DOCK1: variants seen among roughly 807,000 people sequenced by gnomAD.
The protein encoded by DOCK1 is dedicator of cytokinesis 1.
A neutral mutation model predicts 262.7 loss-of-function variants in DOCK1; 138 were observed. The ratio of observed to expected loss-of-function variants is 0.53; its 90% CI spans 0.46 to 0.61. DOCK1 has a LOEUF of 0.61. DOCK1 is among the 20% of genes least tolerant of loss of function. The probability of loss-of-function intolerance (pLI) is 0.00; values close to 1 mark genes in which losing one functional copy is unlikely to be tolerated. For synonymous variants in DOCK1, 866 were observed against 867.4 expected (o/e 1.00, Z 0.03); for missense variants, 1,908 against 2,370.7 (o/e 0.80, Z 4.05).
rs977355583 is a variant in DOCK1, at chr10:127,176,069, G to A, written c.2847+48305G>A. On this transcript the variant is annotated intron_variant, in intron 27 of 51. Transcript: ENST00000623213. This position sits in a 1 kb window ranked among gnomAD's most constrained non-coding sequence, Gnocchi z 4.4. Reference sequence around the variant, plus strand: ...ACGTCTGGTAACACTTCTTAAGGTCGGGCGAGGTCTGCACGCCTGTGCTCT... The same window carrying A: ...ACGTCTGGTAACACTTCTTAAGGTCAGGCGAGGTCTGCACGCCTGTGCTCT... 3.1e-6 allele frequency: 5 copies of A among 1,614,074 alleles called. No homozygotes were observed. In the South Asian group the frequency reaches 3.3e-5, roughly 11 times the overall value.
intron 27 of DOCK1, among the ~76,000 whole-genome samples, chr10:127,168,835 A>G (rs1288618735): frequency 2.0e-5 from 3 of 152,112 alleles, no homozygotes; most frequent in Admixed American, 6.5e-5. Context: ...AGCGGTGCAC[A>G]ATTTTCCATG....
intron 51 of DOCK1, among the ~76,000 whole-genome samples, chr10:127,449,671 T>C (rs1044240977): frequency 2.6e-5 from 4 of 152,174 alleles, no homozygotes; most frequent in African/African-American, 9.7e-5. Context: ...AGCGGTTGCA[T>C]TTCCTGGGGT....
chr10:127,057,733 C>T (rs1156893814), intron 22 of DOCK1, among the ~76,000 whole-genome samples: 3 of 152,178 alleles, frequency 2.0e-5, no homozygotes, highest in African/African-American at 7.2e-5. Context: ...TATTGCCTGC[C>T]TTCTCTTCTG....
chr10:127,415,717 G>T (rs181411974), intron 44 of DOCK1, among the ~76,000 whole-genome samples: 3 of 152,262 alleles, frequency 2.0e-5, no homozygotes, highest in Admixed American at 6.5e-5. Flanking sequence ...CCTTTTTAAA[G>T]AAATAACGAT....
At position 127,012,985 on chromosome 10, in the gene DOCK1, TCTCA is replaced by T. The variant is rs1375502050; in HGVS notation, c.1201+615_1201+618del. On this transcript the variant is annotated intron_variant, in intron 12 of 51. Transcript: ENST00000623213. This position sits in a 1 kb window ranked among gnomAD's most constrained non-coding sequence, Gnocchi z 4.0. ...GGAAGTCACCTTCAGAACTTGACCG[TCTCA>T]CTCCCTGATCCATGCAGACTGCCCG... Among the ~76,000 whole-genome samples, 1 of 152,198 alleles carries T rather than the reference TCTCA, an allele frequency of 6.6e-6. No homozygotes were observed. Among genetic ancestry groups the T allele is most frequent in the African/African-American group, 2.4e-5 (1 of 41,464 alleles).
intron 32 of DOCK1, among the ~76,000 whole-genome samples, chr10:127,357,671 G>A (rs527965358): frequency 2.6e-5 from 4 of 152,300 alleles, no homozygotes; most frequent in South Asian, 2.1e-4. Flanking sequence ...CCTGAGAAGC[G>A]GCCAAGAGGT....
intron 40 of DOCK1, among the ~76,000 whole-genome samples, 181 bp from the exon 41 acceptor site, chr10:127,408,855 CA>C (rs2067675275): frequency 6.6e-6 from 1 of 151,752 alleles, no homozygotes; most frequent in Non-Finnish European, 1.5e-5. Context: ...GCTTGATGAC[CA>C]TGTGTTCTTG....
At chr10:126,979,873 T>C (rs912664096) in intron 3 of DOCK1, among the ~76,000 whole-genome samples, 1 of 152,108 alleles carries the variant, frequency 6.6e-6, no homozygotes, top group Non-Finnish European at 1.5e-5. Flanking sequence ...TGCAGTTGAT[T>C]GGGGTGGTGC....
chr10:127,224,558 C>CAGA (rs2058564131), intron 27 of DOCK1, among the ~76,000 whole-genome samples: 3 of 145,016 alleles, frequency 2.1e-5, no homozygotes, highest in African/African-American at 7.6e-5. Flanking sequence ...GACTCTGCTT[C>CAGA]AGAAAAAAAA....
Position 127,106,248 on chromosome 10 carries a change from C to T in DOCK1, c.2463C>T (p.Tyr821=). Residue 821 remains tyrosine, a synonymous_variant, in exon 24 of 52, where the codon TAC becomes TAT. Transcript: ENST00000623213. ...ATTTGCAGGGGGCAGCACTGAAATA[C>T]TTACCAACGATCGTCAACGATGTGA... ...TVRVKGAALK[Y]LPTIVNDVKL... is the part of the protein sequence containing the mutation. The T allele has an allele frequency of 6.3e-7, 1 of 1,592,814 alleles. No individual in the cohort carries two copies. The highest frequency in any genetic ancestry group is 8.6e-7 in the Non-Finnish European group (1 of 1,168,250).
intron 40 of DOCK1, among the ~76,000 whole-genome samples, chr10:127,404,998 T>A (rs564119864): frequency 1.3e-5 from 2 of 152,362 alleles, no homozygotes; most frequent in Admixed American, 1.3e-4. Context: ...TCTTCCAGTT[T>A]CATCCAGGTT....
chr10:127,341,783 C>T (rs1037361241), intron 30 of DOCK1, among the ~76,000 whole-genome samples: 6 of 152,202 alleles, frequency 3.9e-5, no homozygotes, highest in South Asian at 2.1e-4. Flanking sequence ...CCACATCGAG[C>T]GTCGCCCCTT....
At chr10:127,368,274 T>A (rs943674085) in intron 33 of DOCK1, among the ~76,000 whole-genome samples, 4 of 152,212 alleles carry the variant, frequency 2.6e-5, no homozygotes, top group Non-Finnish European at 4.4e-5. Flanking sequence ...GCCTCTTTTG[T>A]CTCTGGGTGC....
intron 27 of DOCK1, among the ~76,000 whole-genome samples, chr10:127,195,573 G>A (rs1362842260): frequency 6.6e-6 from 1 of 151,476 alleles, no homozygotes; most frequent in African/African-American, 2.4e-5. Flanking sequence ...GGGCGCTTTA[G>A]TTTGGAAAAT....
intron 28 of DOCK1, among the ~76,000 whole-genome samples, chr10:127,248,992 G>T (rs889337257): frequency 5.3e-5 from 8 of 152,140 alleles, no homozygotes; most frequent in African/African-American, 1.9e-4. Flanking sequence ...AGGTGGAACA[G>T]TTTCATCCCG....
At chr10:127,279,034 A>G (rs915080710) in intron 29 of DOCK1, among the ~76,000 whole-genome samples, 1 of 152,224 alleles carries the variant, frequency 6.6e-6, no homozygotes, top group African/African-American at 2.4e-5. Context: ...TGATTTGGTT[A>G]ATTGACAAAT....
At chr10:127,206,960 A>AT (rs1170903018) in intron 27 of DOCK1, among the ~76,000 whole-genome samples, 1 of 152,194 alleles carries the variant, frequency 6.6e-6, no homozygotes, top group Admixed American at 6.5e-5. Context: ...TACTCCTAAT[A>AT]TAAACAGACT....
intron 27 of DOCK1, chr10:127,145,990 G>A (rs751156036): frequency 4.5e-5 from 23 of 515,858 alleles, no homozygotes; most frequent in African/African-American, 1.7e-4. Context: ...TGGGGACCCC[G>A]CACCCTGAAT....
intron 4 of DOCK1, among the ~76,000 whole-genome samples, chr10:126,986,198 C>T (rs1187424601): frequency 2.0e-5 from 3 of 152,114 alleles, no homozygotes; most frequent in Admixed American, 2.0e-4. Context: ...CTGCACCCTT[C>T]CCTCTGATGT....
Sources: allele counts gnomAD v4.1 joint callset (sites outside exome capture counted in the v4.1 genomes callset), GRCh38; gene constraint gnomAD v4.1.1; non-coding constraint Gnocchi (gnomAD v3.1); transcripts MANE v1.5; gene names NCBI Gene and HGNC (gene_info 2026-07-23, HGNC 2026-07-21).